The following URGCP variants were observed in gnomAD, a reference collection of about 807,000 sequenced individuals.
URGCP encodes the protein up-regulator of cell proliferation.
URGCP carries 13 observed loss-of-function variants against 24.6 expected under a neutral mutation model. The ratio of observed to expected loss-of-function variants is 0.53; its 90% CI spans 0.34 to 0.84. The LOEUF (loss-of-function observed/expected upper bound fraction) is 0.84, where lower values mean the gene tolerates loss of function less well. Among genes scored for constraint, URGCP ranks in the 40% least tolerant of loss-of-function variants. The pLI is 0.01. For synonymous variants in URGCP, 444 were observed against 487.2 expected (o/e 0.91, Z 1.17); for missense variants, 899 against 1,194.3 (o/e 0.75, Z 3.64).
chr7:43,909,270 C>A (rs912101396), upstream of URGCP, among the ~76,000 whole-genome samples: 1 of 151,984 alleles, frequency 6.6e-6, no homozygotes, highest in Non-Finnish European at 1.5e-5. Flanking sequence ...TATACATATA[C>A]CTACACACAT....
intron 1 of URGCP, among the ~76,000 whole-genome samples, chr7:43,915,156 T>C (rs78266849): frequency 0.073 from 11,079 of 152,314 alleles, 518 homozygotes; most frequent in Middle Eastern, 0.14. Flanking sequence ...TAATAAATTC[T>C]GCTCTCCTCA....
chr7:43,925,488 GT>G (rs993195665), intron 1 of URGCP, among the ~76,000 whole-genome samples: 2 of 151,920 alleles, frequency 1.3e-5, no homozygotes, highest in African/African-American at 4.8e-5. Flanking sequence ...ATTTTATTCT[GT>G]TTTTTTATTT....
rs1272273338 is a variant in URGCP at position 43,876,624 on chromosome 7, C to A, written c.*43G>T. On this transcript the variant is annotated 3_prime_UTR_variant, in exon 6 of 6. Transcript: ENST00000453200. ...ACGGGTGCCCCATCAGACAGGGCTG[C>A]CCACAGCAGCCTCCTACACCTGAAC... is the stretch of plus-strand genomic sequence containing the variant. 2 of 1,586,634 alleles carry A rather than the reference C, an allele frequency of 1.3e-6. No homozygotes were observed. The highest frequency in any genetic ancestry group is 1.2e-5 in the South Asian group (1 of 85,716).
chr7:43,886,922 A>T (rs948691456), intron 3 of URGCP, among the ~76,000 whole-genome samples: 4 of 152,090 alleles, frequency 2.6e-5, no homozygotes, highest in African/African-American at 9.7e-5. Flanking sequence ...AGAAAGAAAA[A>T]CCAGCCTGTA....
At position 43,877,474 on chromosome 7, in the gene URGCP, G is replaced by A. The variant is rs775077048; in HGVS notation, c.1989C>T (p.Ile663=). 7.4e-6 allele frequency: 12 copies of A among 1,613,600 alleles called. No individual in the cohort carries two copies. The highest frequency in any genetic ancestry group is 6.7e-5 in the East Asian group (3 of 44,868). ...LLLTGLPLEL[I]DGSTLSMPVR... is the part of the protein sequence containing the mutation. ...CGGGCATGCTCAGCGTGCTCCCATC[G>A]ATTAGCTCCAGAGGCAGCCCTGTCA... The change falls in exon 6 of 6, where the codon ATC becomes ATT. Residue 663 remains isoleucine, a synonymous_variant. Coordinates refer to ENST00000453200, the MANE Select transcript of URGCP (RefSeq NM_001077663.3).
At chr7:43,919,018 TCTCCCAGA>T in intron 1 of URGCP, 6 of 1,162,498 alleles carry the variant, frequency 5.2e-6, no homozygotes, top group Non-Finnish European at 7.8e-6. Flanking sequence ...GCCAGCAGAT[TCTCCCAGA>T]GGGAGAAGAT....
At chr7:43,886,845 G>T (rs2095862947) in intron 3 of URGCP, among the ~76,000 whole-genome samples, 1 of 152,196 alleles carries the variant, frequency 6.6e-6, no homozygotes, top group South Asian at 2.1e-4. Flanking sequence ...TATCTGGAGT[G>T]TGGCCACCAT....
chr7:43,919,709 G>C, intron 1 of URGCP: 1 of 1,372,822 alleles, frequency 7.3e-7, no homozygotes, highest in Non-Finnish European at 1.0e-6. Context: ...ACAAGAGCCT[G>C]CAGAGGATCC....
chr7:43,895,312 C>T (rs1035278921), intron 1 of URGCP, among the ~76,000 whole-genome samples: 4 of 152,052 alleles, frequency 2.6e-5, no homozygotes, highest in Admixed American at 6.6e-5. Flanking sequence ...TGCTCAACAT[C>T]CCTAATCATC....
chr7:43,881,495 T>C (rs1407007959), intron 5 of URGCP, among the ~76,000 whole-genome samples, 164 bp downstream of exon 5: 1 of 149,342 alleles, frequency 6.7e-6, no homozygotes, highest in African/African-American at 2.5e-5. Flanking sequence ...TTTTTTTTTT[T>C]AGCAATATGG....
chr7:43,877,606 C>T lies in URGCP; in HGVS notation c.1857G>A (p.Glu619=), dbSNP rs1226261430. The T allele has an allele frequency of 1.2e-6, 2 of 1,614,220 alleles. No homozygotes were observed. Among genetic ancestry groups the T allele is most frequent in the South Asian group, 1.1e-5 (1 of 91,092 alleles). Residue 619 remains glutamate, a synonymous_variant, in exon 6 of 6, where the codon GAG becomes GAA. Coordinates refer to ENST00000453200, the MANE Select transcript of URGCP (RefSeq NM_001077663.3). ...EPLGVEHFLR[E]MGQFYEAESC... ...TCTCAGCCTCATAAAACTGTCCCAT[C>T]TCCCGCAAGAAGTGTTCCACCCCTA...
intron 3 of URGCP, among the ~76,000 whole-genome samples, chr7:43,886,258 G>A (rs2095861942): frequency 6.6e-6 from 1 of 152,172 alleles, no homozygotes; most frequent in Non-Finnish European, 1.5e-5. Context: ...AAAGTACTGG[G>A]ATTACAGGTG....
At chr7:43,898,037 C>T (rs911155373) in intron 1 of URGCP, among the ~76,000 whole-genome samples, 1 of 152,132 alleles carries the variant, frequency 6.6e-6, no homozygotes, top group Non-Finnish European at 1.5e-5. Flanking sequence ...TAAGCCAGCA[C>T]GTGAGCTGGA....
At chr7:43,897,664 G>T (rs2095881278) in intron 1 of URGCP, among the ~76,000 whole-genome samples, 1 of 152,202 alleles carries the variant, frequency 6.6e-6, no homozygotes, top group African/African-American at 2.4e-5. Context: ...AGCCATGAAA[G>T]GGCCCTGGGT....
At chr7:43,916,415 G>A in intron 1 of URGCP, among the ~76,000 whole-genome samples, 1 of 152,126 alleles carries the variant, frequency 6.6e-6, no homozygotes, top group East Asian at 1.9e-4. Context: ...TTGGTAAGGA[G>A]TCCATGCAAC....
At chr7:43,893,574 G>A (rs115589085) in intron 1 of URGCP, among the ~76,000 whole-genome samples, 2,538 of 152,030 alleles carry the variant, frequency 0.017, 63 homozygotes, top group African/African-American at 0.057. Context: ...CAGACTGAAA[G>A]TAAAAGGACA....
At chr7:43,894,463 C>G (rs895369248) in intron 1 of URGCP, among the ~76,000 whole-genome samples, 5 of 152,146 alleles carry the variant, frequency 3.3e-5, no homozygotes, top group African/African-American at 1.2e-4. Flanking sequence ...ATCCTCCCAC[C>G]TCAGCCTCCC....
At chr7:43,920,109 T>A in intron 1 of URGCP, 1 of 956,978 alleles carries the variant, frequency 1.0e-6, no homozygotes, top group Non-Finnish European at 1.6e-6. Flanking sequence ...ACCAAGGCCC[T>A]GCCTGACTGA....
intron 1 of URGCP, among the ~76,000 whole-genome samples, chr7:43,925,768 G>C (rs2095928930): frequency 1.4e-5 from 2 of 143,704 alleles, no homozygotes; most frequent in South Asian, 4.7e-4. Flanking sequence ...CCAAAGTGCT[G>C]GGATTATAGG....
Sources: allele counts gnomAD v4.1 joint callset (sites outside exome capture counted in the v4.1 genomes callset), GRCh38; gene constraint gnomAD v4.1.1; transcripts MANE v1.5; gene names NCBI Gene and HGNC (gene_info 2026-07-23, HGNC 2026-07-21).